Variants in NLGN4X observed in about 807,000 individuals in gnomAD.
The protein encoded by NLGN4X is neuroligin-4, X-linked.
In NLGN4X, 3 loss-of-function variants were observed where a neutral mutation model predicts 40.3. The ratio of observed to expected loss-of-function variants is 0.07; its 90% CI spans 0.03 to 0.19. The LOEUF is 0.19. NLGN4X is among the 10% of genes least tolerant of loss of function. The pLI, the probability that NLGN4X is intolerant of heterozygous loss-of-function variation, is 1.00. For synonymous variants in NLGN4X, 270 were observed against 306.8 expected (o/e 0.88, Z 1.25); for missense variants, 382 against 708.3 (o/e 0.54, Z 5.23).
At chrX:6,226,183 C>G (rs1172571392) in intron 1 of NLGN4X, among the ~76,000 whole-genome samples, 1 of 109,214 alleles carries the variant, frequency 9.2e-6, no homozygotes, top group African/African-American at 3.3e-5. Context: ...CCCGCCGGAA[C>G]CTCCTAGGAC....
intron 2 of NLGN4X, among the ~76,000 whole-genome samples, chrX:6,050,125 T>C (rs1392793387): frequency 8.9e-6 from 1 of 111,808 alleles, no homozygotes; most frequent in African/African-American, 3.3e-5. Context: ...TGTAAAATGA[T>C]AGCACTGAGG....
At chrX:6,049,631 T>C (rs2037425689) in intron 2 of NLGN4X, among the ~76,000 whole-genome samples, 1 of 106,745 alleles carries the variant, frequency 9.4e-6, no homozygotes, top group Admixed American at 1.0e-4. Flanking sequence ...TTTCTCCTGC[T>C]GATCTGTCCT....
intron 3 of NLGN4X, among the ~76,000 whole-genome samples, chrX:5,918,283 C>T (rs1174990929): frequency 9.0e-6 from 1 of 111,197 alleles, no homozygotes; most frequent in African/African-American, 3.3e-5. Flanking sequence ...CATTTTTGTA[C>T]TTCAGTGCTA....
At chrX:6,207,822 A>C (rs943627191) in intron 1 of NLGN4X, among the ~76,000 whole-genome samples, 4 of 112,005 alleles carry the variant, frequency 3.6e-5, no homozygotes, top group African/African-American at 1.3e-4. Context: ...ATTTATTATC[A>C]AAATTAAAAA....
chrX:6,055,826 G>A (rs1161328403), intron 2 of NLGN4X, among the ~76,000 whole-genome samples: 2 of 111,302 alleles, frequency 1.8e-5, no homozygotes, highest in African/African-American at 3.3e-5. Flanking sequence ...AGAATTACAC[G>A]GTGGTTGTAT....
At chrX:6,136,162 T>A (rs970101936) in intron 2 of NLGN4X, among the ~76,000 whole-genome samples, 25 of 112,126 alleles carry the variant, frequency 2.2e-4, no homozygotes, top group Non-Finnish European at 3.9e-4. Flanking sequence ...CACTGCAGCC[T>A]CGACCTCCTG....
chrX:6,117,764 T>C (rs866923133), intron 2 of NLGN4X, among the ~76,000 whole-genome samples: 8 of 111,060 alleles, frequency 7.2e-5, no homozygotes, highest in African/African-American at 1.0e-4. Flanking sequence ...TCCCAGAGAA[T>C]AGAAAAATGC....
intron 2 of NLGN4X, among the ~76,000 whole-genome samples, chrX:6,050,442 TTACC>T (rs758397557): frequency 4.2e-4 from 47 of 111,343 alleles, no homozygotes; most frequent in Middle Eastern, 9.3e-3. Context: ...ATCTACTTAT[TTACC>T]TACCTATCTA....
intron 1 of NLGN4X, among the ~76,000 whole-genome samples, chrX:6,212,244 A>T (rs1924673786): frequency 1.1e-5 from 1 of 92,739 alleles, no homozygotes; most frequent in Admixed American, 1.2e-4. Context: ...GACTCCATTT[A>T]AAAAAAAAAA....
At chrX:6,224,789 A>C (rs755136793) in intron 1 of NLGN4X, among the ~76,000 whole-genome samples, 1 of 107,891 alleles carries the variant, frequency 9.3e-6, no homozygotes, top group Non-Finnish European at 1.9e-5. Flanking sequence ...GAAAACATCA[A>C]AGCATCTTTA....
At chrX:5,957,674 C>G (rs190839708) in intron 3 of NLGN4X, among the ~76,000 whole-genome samples, 162 of 111,517 alleles carry the variant, frequency 1.5e-3, no homozygotes, top group African/African-American at 4.9e-3. Context: ...TTTACCAAGA[C>G]AGCTGGTATG....
At chrX:5,964,233 T>C (rs2034751942) in intron 3 of NLGN4X, among the ~76,000 whole-genome samples, 1 of 111,763 alleles carries the variant, frequency 8.9e-6, no homozygotes, top group Non-Finnish European at 1.9e-5. Context: ...CTAAGATAAA[T>C]TCTCCATTTA....
chrX:6,104,349 C>A (rs189124692), intron 2 of NLGN4X, among the ~76,000 whole-genome samples: 1 of 111,959 alleles, frequency 8.9e-6, no homozygotes, highest in Non-Finnish European at 1.9e-5. Flanking sequence ...GGGCTTTAGA[C>A]GATATTATTT....
chrX:6,082,037 T>C (rs2038361574), intron 2 of NLGN4X, among the ~76,000 whole-genome samples: 1 of 112,195 alleles, frequency 8.9e-6, no homozygotes, highest in South Asian at 3.7e-4. Flanking sequence ...TTAAAACACA[T>C]GCAATAAACA....
At chrX:5,905,206 A>G (rs1192330202) in intron 4 of NLGN4X, among the ~76,000 whole-genome samples, 1 of 111,921 alleles carries the variant, frequency 8.9e-6, no homozygotes, top group Non-Finnish European at 1.9e-5. Flanking sequence ...GCAATAATTT[A>G]GGCAGTAGTG....
chrX:6,128,493 G>A (rs1049299542), intron 2 of NLGN4X, among the ~76,000 whole-genome samples: 15 of 112,005 alleles, frequency 1.3e-4, no homozygotes, highest in African/African-American at 4.9e-4. Context: ...GGTATTCAAT[G>A]CTTGTATTGT....
chrX:6,078,721 G>A (rs2038267265), intron 2 of NLGN4X, among the ~76,000 whole-genome samples: 2 of 76,784 alleles, frequency 2.6e-5, no homozygotes, highest in South Asian at 5.5e-4. Context: ...TCCTGAGTGT[G>A]GCCCTATTAC....
intron 3 of NLGN4X, among the ~76,000 whole-genome samples, chrX:5,926,670 C>G (rs1170969539): frequency 2.7e-5 from 3 of 109,497 alleles, no homozygotes; most frequent in Admixed American, 1.0e-4. Flanking sequence ...TACAGCTGGT[C>G]AGTTTCTTCT....
intron 3 of NLGN4X, among the ~76,000 whole-genome samples, chrX:5,944,940 T>C (rs1439738690): frequency 2.7e-5 from 3 of 111,606 alleles, no homozygotes; most frequent in Non-Finnish European, 3.8e-5. Flanking sequence ...ATAATAGTAC[T>C]TTCATCACAG....
Sources: gnomAD v4.1 joint callset for allele counts (sites outside exome capture counted in the v4.1 genomes callset) on GRCh38, gnomAD v4.1.1 for gene constraint, MANE v1.5 for transcripts, NCBI Gene and HGNC (gene_info 2026-07-23, HGNC 2026-07-21) for gene names.